Variants in PBX1 observed in about 807,000 individuals in gnomAD.
The protein encoded by PBX1 is pre-B-cell leukemia transcription factor 1.
PBX1 carries 6 observed loss-of-function variants against 53.4 expected under a neutral mutation model. That is an observed-to-expected ratio of 0.11 (90% CI 0.06 to 0.22). The LOEUF (loss-of-function observed/expected upper bound fraction) is 0.22, where lower values mean the gene tolerates loss of function less well. Among genes scored for constraint, PBX1 ranks in the 10% least tolerant of loss-of-function variants. PBX1 has a pLI of 1.00. For missense variants in PBX1, 251 were observed against 551.4 expected, an observed-to-expected ratio of 0.46 and a Z score of 5.46; for synonymous variants, 204 against 212.3, an observed-to-expected ratio of 0.96 and a Z score of 0.34.
chr1:164,706,675 C>G (rs558228693), intron 2 of PBX1, among the ~76,000 whole-genome samples: 1 of 152,198 alleles, frequency 6.6e-6, no homozygotes, highest in East Asian at 1.9e-4. Context: ...AGCCTTGGTG[C>G]TTTACAAGGT....
chr1:164,884,927 T>C (rs1012281425), intron 2 of PBX1, among the ~76,000 whole-genome samples: 1 of 152,198 alleles, frequency 6.6e-6, no homozygotes, highest in Non-Finnish European at 1.5e-5. Context: ...CAAAATATTA[T>C]AATAAATTAA....
intron 2 of PBX1, chr1:164,626,157 C>G (rs571624212): frequency 5.3e-6 from 5 of 949,224 alleles, no homozygotes; most frequent in African/African-American, 1.8e-5. Flanking sequence ...ATATACCATG[C>G]CTTCCCCCTT....
chr1:164,776,177 A>G (rs924615409), intron 2 of PBX1, among the ~76,000 whole-genome samples: 1 of 152,180 alleles, frequency 6.6e-6, no homozygotes, highest in Admixed American at 6.5e-5. Context: ...AGCCTATCCT[A>G]GATTGAATGC....
At chr1:164,816,589 G>A (rs560599660) in intron 6 of PBX1, 5 of 152,150 alleles carry the variant, frequency 3.3e-5, no homozygotes, top group African/African-American at 1.2e-4. Context: ...GGGGACATTT[G>A]GTACTATCTG....
intron 2 of PBX1, among the ~76,000 whole-genome samples, chr1:164,721,495 T>C (rs1664403468): frequency 6.6e-6 from 1 of 152,074 alleles, no homozygotes; most frequent in African/African-American, 2.4e-5. Flanking sequence ...AGAAGGATAA[T>C]GACTTAAAAG....
At chr1:164,666,446 G>A (rs909931074) in intron 2 of PBX1, among the ~76,000 whole-genome samples, 1 of 152,154 alleles carries the variant, frequency 6.6e-6, no homozygotes, top group East Asian at 1.9e-4. Context: ...TTGTTATAAT[G>A]TACTAGGGTG....
At chr1:164,630,076 C>A (rs78578678) in intron 2 of PBX1, among the ~76,000 whole-genome samples, 2,414 of 152,128 alleles carry the variant, frequency 0.016, 71 homozygotes, top group African/African-American at 0.055. Flanking sequence ...AAAATTTTTC[C>A]TAATGTTATT....
intron 2 of PBX1, among the ~76,000 whole-genome samples, chr1:164,781,839 C>T (rs906010513): frequency 5.3e-5 from 8 of 152,152 alleles, no homozygotes; most frequent in Non-Finnish European, 8.8e-5. Flanking sequence ...AGTGACTACT[C>T]AGGTTTTTCT....
chr1:164,729,062 T>G (rs1022552068), intron 2 of PBX1, among the ~76,000 whole-genome samples: 1 of 152,216 alleles, frequency 6.6e-6, no homozygotes, highest in Non-Finnish European at 1.5e-5. Flanking sequence ...TTTCAGTACA[T>G]TTTGTAGGAC....
At chr1:164,574,444 C>T (rs1270434759) in intron 2 of PBX1, among the ~76,000 whole-genome samples, 1 of 152,190 alleles carries the variant, frequency 6.6e-6, no homozygotes, top group East Asian at 1.9e-4. Flanking sequence ...ACTCCATATT[C>T]CATGGGTTGT....
At chr1:164,683,727 G>T (rs1661924497) in intron 2 of PBX1, 1 of 146,700 alleles carries the variant, frequency 6.8e-6, no homozygotes, top group African/African-American at 2.5e-5. Flanking sequence ...TTGCTTTTGA[G>T]ATGTGCTTGT....
intron 2 of PBX1, among the ~76,000 whole-genome samples, chr1:164,638,970 C>A (rs997501719): frequency 3.9e-5 from 6 of 152,128 alleles, no homozygotes; most frequent in Non-Finnish European, 1.5e-5. Context: ...TACTGCCTGC[C>A]CGTTTTTTCT....
intron 2 of PBX1, among the ~76,000 whole-genome samples, chr1:164,718,720 G>C (rs1664250685): frequency 6.6e-6 from 1 of 152,132 alleles, no homozygotes; most frequent in Non-Finnish European, 1.5e-5. Context: ...GGTTGCCGGA[G>C]ACTCAGAATG....
intron 2 of PBX1, among the ~76,000 whole-genome samples, chr1:164,715,594 A>C (rs370631555): frequency 1.3e-5 from 2 of 152,230 alleles, no homozygotes; most frequent in Admixed American, 6.5e-5. Flanking sequence ...TCTAGTGCTT[A>C]GAATAATACC....
intron 2 of PBX1, among the ~76,000 whole-genome samples, chr1:164,659,051 A>G (rs1312887317): frequency 1.3e-5 from 2 of 152,200 alleles, no homozygotes; most frequent in African/African-American, 2.4e-5. Context: ...CTCATAGCAC[A>G]GTGTCTGATG....
chr1:164,856,547 G>C (rs746636003), downstream of PBX1, among the ~76,000 whole-genome samples: 12 of 151,982 alleles, frequency 7.9e-5, no homozygotes, highest in Non-Finnish European at 1.6e-4. Flanking sequence ...GTTGAGTAAT[G>C]CTTCATAGGC....
Position 164,786,720 on chromosome 1 carries a change from T to TGTGTGCGCGC in PBX1, c.266-5773_266-5772insTGTGCGCGCG, listed in dbSNP as rs1357886882. 2.0e-3 allele frequency among the ~76,000 whole-genome samples: 233 copies of TGTGTGCGCGC among 116,272 alleles called. 1 individual carries two copies. Among genetic ancestry groups the TGTGTGCGCGC allele is most frequent in the African/African-American group, 7.8e-3 (224 of 28,822 alleles). The allele number at this position is 116,272 out of a possible 152,430, so 76.3% of individuals were successfully genotyped here. ...GTGTGTGTGTGTGTGTGTGTGTGTG[T>TGTGTGCGCGC]GCGCGCGCACACACACACACGCACA... On this transcript the variant is annotated intron_variant, in intron 2 of 8. Transcript: ENST00000420696.
intron 2 of PBX1, among the ~76,000 whole-genome samples, chr1:164,584,445 T>C (rs1189482882): frequency 6.6e-6 from 1 of 152,182 alleles, no homozygotes; most frequent in Non-Finnish European, 1.5e-5. Flanking sequence ...TATGCTCTTA[T>C]GTGATGTGTC....
At chr1:164,764,159 G>A (rs1328586957) in intron 2 of PBX1, among the ~76,000 whole-genome samples, 1 of 152,154 alleles carries the variant, frequency 6.6e-6, no homozygotes, top group African/African-American at 2.4e-5. Context: ...AATGAGCTCA[G>A]CAAGTGGGGT....
Sources: allele counts gnomAD v4.1 joint callset (sites outside exome capture counted in the v4.1 genomes callset), GRCh38; gene constraint gnomAD v4.1.1; transcripts MANE v1.5; gene names NCBI Gene and HGNC (gene_info 2026-07-23, HGNC 2026-07-21).